The following SEPTIN6 variants were observed in gnomAD, a reference collection of about 807,000 sequenced individuals.
SEPTIN6 encodes the protein septin 6.
Under a neutral mutation model 33.6 loss-of-function variants are expected in SEPTIN6, and 8 were observed. The observed-to-expected ratio is 0.24, with a 90% CI of 0.14 to 0.43. SEPTIN6 has a LOEUF of 0.43. SEPTIN6 is among the 20% of genes least tolerant of loss of function. The probability of loss-of-function intolerance (pLI) is 1.00; values close to 1 mark genes in which losing one functional copy is unlikely to be tolerated. For missense variants in SEPTIN6, 250 were observed against 340.8 expected (o/e 0.73, Z 2.10); for synonymous variants, 131 against 140.0 (o/e 0.94, Z 0.45).
In SEPTIN6 at chrX:119,649,238, G is replaced by A. The variant is rs191391501; in HGVS notation, c.690+699C>T. On this transcript the variant is annotated intron_variant, in intron 5 of 10. Coordinates refer to ENST00000394610, the MANE Select transcript of SEPTIN6 (RefSeq NM_145799.4). ...CTCCAGAGTAGCTGGGATTATAGGC[G>A]CACACCACCACGCCTGGCTAATTTT... Among the ~76,000 whole-genome samples, 290 of 104,103 alleles carry A rather than the reference G, an allele frequency of 2.8e-3. 2 individuals carry two copies. Among genetic ancestry groups the A allele is most frequent in the African/African-American group, 9.7e-3 (274 of 28,133 alleles). The allele number at this position is 104,103 out of a possible 115,157, so 90.4% of individuals were successfully genotyped here.
At position 119,663,624 on chromosome X, in the gene SEPTIN6, A is replaced by G. The variant is rs745448518; in HGVS notation, c.199T>C (p.Phe67Leu). 8.3e-7 allele frequency: 1 copy of G among 1,210,558 alleles called. No individual in the cohort carries two copies. The highest frequency in any genetic ancestry group is 1.8e-5 in the South Asian group (1 of 56,771). The change falls in exon 3 of 11, where the codon TTC becomes CTC. Residue 67 changes from phenylalanine (F) to leucine (L), a missense_variant. Around this residue, in one of 2 missense-constraint regions of SEPTIN6, gnomAD observed 111 missense variants for 113.8 expected, o/e 0.98. Transcript: ENST00000394610. Reference protein sequence around the residue: ...TLMDTLFNTKFEGEPATHTQP... With the variant: ...TLMDTLFNTKLEGEPATHTQP... ...GTGTGGGTGGCTGGCTCCCCTTCGAATTTGGTGTTGAACAGGGTGTCCATG... is the reference window on the plus strand; with the variant it reads ...GTGTGGGTGGCTGGCTCCCCTTCGAGTTTGGTGTTGAACAGGGTGTCCATG...
chrX:119,623,761 C>T (rs2053807701), intron 10 of SEPTIN6, among the ~76,000 whole-genome samples: 1 of 112,043 alleles, frequency 8.9e-6, no homozygotes, highest in South Asian at 3.7e-4. Flanking sequence ...ATTGCTTGAA[C>T]CCAGGAGGCG....
At chrX:119,646,967 C>T (rs1033968326) in intron 5 of SEPTIN6, 14 of 126,354 alleles carry the variant, frequency 1.1e-4, no homozygotes, top group Non-Finnish European at 2.3e-4. Context: ...CCCATCACAG[C>T]GCATGTAACA....
chrX:119,681,206 C>T (rs971951504), intron 1 of SEPTIN6, among the ~76,000 whole-genome samples: 2 of 110,879 alleles, frequency 1.8e-5, no homozygotes, highest in Non-Finnish European at 3.8e-5. Flanking sequence ...AGTTTCTCCC[C>T]TCCTCTCTCA....
intron 2 of SEPTIN6, among the ~76,000 whole-genome samples, chrX:119,665,038 T>C (rs745746279): frequency 2.3e-4 from 25 of 109,166 alleles, no homozygotes; most frequent in African/African-American, 7.0e-4. Context: ...AGTGAGACCG[T>C]TTTTAACTAA....
At position 119,636,896 on chromosome X, in the gene SEPTIN6, G is replaced by A. The variant is rs996200537; in HGVS notation, c.956+131C>T. 5 of 740,134 alleles carry A rather than the reference G, an allele frequency of 6.8e-6. No individual in the cohort carries two copies. The South Asian group carries it at 8.5e-5, about 13-fold the overall frequency. The allele number at this position is 740,134 out of a possible 1,213,427, so 61.0% of individuals were successfully genotyped here. A position where few individuals can be genotyped will look rare whatever the true frequency, so the allele number is the denominator to read the frequency against. ...GGCAAGCAGAACTGGCAAGTGAGTC[G>A]CCCCTGCTCCTTGAGGTCTTAGCAC... is the stretch of plus-strand genomic sequence containing the variant. On this transcript the variant is annotated intron_variant, in intron 7 of 10. Coordinates refer to ENST00000394610, the MANE Select transcript of SEPTIN6 (RefSeq NM_145799.4).
In SEPTIN6 at chrX:119,669,185, C is replaced by T. The variant is rs763300149; in HGVS notation, c.146-5508G>A. 4.4e-5 allele frequency among the ~76,000 whole-genome samples: 5 copies of T among 113,381 alleles called. 1 individual carries two copies. The East Asian group carries it at 1.4e-3, about 31-fold the overall frequency. ...CAGCATTTGAATCCAGGCAGGCCGA[C>T]GCTGGAGTCCATGCTTTTAACCAAT... On this transcript the variant is annotated intron_variant, in intron 2 of 10. Transcript: ENST00000394610.
intron 5 of SEPTIN6, among the ~76,000 whole-genome samples, chrX:119,644,011 C>G (rs1013635993): frequency 9.0e-6 from 1 of 111,618 alleles, no homozygotes. Context: ...ACCCTCCCCC[C>G]GCACCACCAC....
Position 119,623,858 on chromosome X carries a change from CA to C in SEPTIN6, c.*41+1476del, listed in dbSNP as rs745666542. 1.3e-4 allele frequency among the ~76,000 whole-genome samples: 14 copies of C among 110,818 alleles called. No individual in the cohort carries two copies. The South Asian group carries it at 3.4e-3, about 27-fold the overall frequency. On this transcript the variant is annotated intron_variant, in intron 10 of 10. Coordinates refer to ENST00000394610, the MANE Select transcript of SEPTIN6 (RefSeq NM_145799.4). ...CGTCTCAAAAAAAGAAACAAACAAA[CA>C]AAAAAAACCCTAATTATGTTAAATT...
In SEPTIN6 at chrX:119,636,619, G is replaced by A. The variant is rs368031961; in HGVS notation, c.956+408C>T. The stretch of plus-strand genomic sequence containing the variant: ...GACTAGAAACCTGTCTGAGCGCCAG[G>A]AGCCTGATGAAGAAAGAGGGGCAGA... On this transcript the variant is annotated intron_variant, in intron 7 of 10. Transcript: ENST00000394610. 4.2e-4 allele frequency among the ~76,000 whole-genome samples: 47 copies of A among 111,408 alleles called. 1 individual carries two copies. The East Asian group carries it at 7.9e-3, about 19-fold the overall frequency.
In SEPTIN6 at chrX:119,618,123, A is replaced by G; in HGVS notation, c.*1970T>C. 1.2e-6 allele frequency: 1 copy of G among 801,507 alleles called. No individual in the cohort carries two copies. Among genetic ancestry groups the G allele is most frequent in the Non-Finnish European group, 1.5e-6 (1 of 669,072 alleles). The allele number at this position is 801,507 out of a possible 1,213,427, so 66.1% of individuals were successfully genotyped here. A position where few individuals can be genotyped will look rare whatever the true frequency, so the allele number is the denominator to read the frequency against. On this transcript the variant is annotated 3_prime_UTR_variant, in exon 11 of 11. Transcript: ENST00000394610. ...TTTCCCAAGGAGACCTGACAGGCCT[A>G]ACTCAGCATCTCTCTGAGCTACTGG... is the stretch of plus-strand genomic sequence containing the variant.
intron 10 of SEPTIN6, 46 bp from the exon 11 acceptor site, chrX:119,620,097 G>T (rs2147428548): frequency 4.4e-6 from 4 of 904,121 alleles, no homozygotes; most frequent in Non-Finnish European, 5.9e-6. Context: ...ATAGATTAAT[G>T]TACCAAAAAA....
downstream of SEPTIN6, chrX:119,616,362 G>A: frequency 2.8e-6 from 1 of 352,789 alleles, no homozygotes; most frequent in Admixed American, 3.9e-5. Context: ...AAAACCTTGT[G>A]AACAGAACAG....
intron 2 of SEPTIN6, among the ~76,000 whole-genome samples, chrX:119,668,239 T>C (rs1345378957): frequency 9.1e-6 from 1 of 109,910 alleles, no homozygotes; most frequent in African/African-American, 3.3e-5. Context: ...GAGGTTGCAG[T>C]GAGCAGAGAT....
At chrX:119,653,377 G>C (rs1410842594) in intron 3 of SEPTIN6, among the ~76,000 whole-genome samples, 3 of 112,217 alleles carry the variant, frequency 2.7e-5, no homozygotes, top group East Asian at 5.6e-4. Flanking sequence ...CTGCGAGTCA[G>C]GGGCATAACA....
chrX:119,653,799 T>C (rs762261709), intron 3 of SEPTIN6, among the ~76,000 whole-genome samples: 1 of 112,194 alleles, frequency 8.9e-6, no homozygotes, highest in East Asian at 2.8e-4. Flanking sequence ...CCAGGCACAG[T>C]GGATCATGGC....
chrX:119,663,458 A>ACC, intron 3 of SEPTIN6, 24 bp downstream of exon 3: 1 of 730,697 alleles, frequency 1.4e-6, no homozygotes, highest in Non-Finnish European at 2.0e-6. Context: ...TCCCCACCCT[A>ACC]CCCCACCCCA....
intron 6 of SEPTIN6, among the ~76,000 whole-genome samples, chrX:119,640,420 A>G (rs2054139165): frequency 9.1e-6 from 1 of 109,580 alleles, no homozygotes; most frequent in South Asian, 3.9e-4. Context: ...GCAAGAACAC[A>G]TGCTTTTTCG....
chrX:119,670,900 C>T (rs59568467), intron 2 of SEPTIN6, among the ~76,000 whole-genome samples: 2 of 104,989 alleles, frequency 1.9e-5, no homozygotes, highest in South Asian at 9.0e-4. Context: ...ATCGTGCCAT[C>T]GCACTCCAGC....
Sources: gnomAD v4.1 joint callset for allele counts (sites outside exome capture counted in the v4.1 genomes callset) on GRCh38, gnomAD v4.1.1 for gene constraint, gnomAD v4.1.1 regional missense constraint, MANE v1.5 for transcripts, NCBI Gene and HGNC (gene_info 2026-07-23, HGNC 2026-07-21) for gene names.